UNC5D: variants seen among roughly 807,000 people sequenced by gnomAD.
UNC5D encodes the protein netrin receptor UNC5D.
In UNC5D, 39 loss-of-function variants were observed where a neutral mutation model predicts 105.4. That is an observed-to-expected ratio of 0.37 (90% CI 0.29 to 0.48). The LOEUF is 0.48. Ranked by LOEUF, UNC5D falls within the 20% of genes least tolerant of loss-of-function variation. The probability of loss-of-function intolerance (pLI) is 0.98; values close to 1 mark genes in which losing one functional copy is unlikely to be tolerated. For synonymous variants in UNC5D, 452 were observed against 450.4 expected (o/e 1.00, Z -0.04); for missense variants, 991 against 1,202.4 (o/e 0.82, Z 2.60).
intron 1 of UNC5D, among the ~76,000 whole-genome samples, chr8:35,519,078 T>C (rs1488257034): frequency 6.6e-6 from 1 of 152,146 alleles, no homozygotes; most frequent in Non-Finnish European, 1.5e-5. Flanking sequence ...TCTAATCCCA[T>C]ACGATGATTT....
chr8:35,246,582 C>T (rs1248005938), intron 1 of UNC5D, among the ~76,000 whole-genome samples: 6 of 151,760 alleles, frequency 4.0e-5, no homozygotes, highest in African/African-American at 1.5e-4. Context: ...TGACTTCTTT[C>T]TTTTTTTTAG....
intron 8 of UNC5D, among the ~76,000 whole-genome samples, chr8:35,721,969 T>C (rs1828606857): frequency 1.3e-5 from 2 of 152,236 alleles, no homozygotes; most frequent in Admixed American, 6.5e-5. Flanking sequence ...CAAGAGTCTA[T>C]TACATGCTAA....
At chr8:35,388,549 A>G (rs1414632486) in intron 1 of UNC5D, among the ~76,000 whole-genome samples, 1 of 152,190 alleles carries the variant, frequency 6.6e-6, no homozygotes, top group Non-Finnish European at 1.5e-5. Context: ...CCATTTTGCA[A>G]CAGTAATCCA....
chr8:35,540,290 T>A (rs1212143144), intron 1 of UNC5D, among the ~76,000 whole-genome samples: 2 of 152,208 alleles, frequency 1.3e-5, no homozygotes, highest in Admixed American at 6.5e-5. Context: ...ATAAATCTTA[T>A]AATCTTATTC....
intron 1 of UNC5D, among the ~76,000 whole-genome samples, chr8:35,467,587 A>AG (rs201437791): frequency 0.016 from 1,961 of 122,012 alleles, 48 homozygotes; most frequent in East Asian, 0.099. Context: ...AAAAAAAAAA[A>AG]AAAAGAAGAA....
rs572766299 is a variant in UNC5D, at chr8:35,287,563, G to A, written c.103+51676G>A. Among the ~76,000 whole-genome samples the A allele has an allele frequency of 7.2e-3, 346 of 48,250 alleles. 3 individuals are homozygous for A. The highest frequency in any genetic ancestry group is 0.026 in the Admixed American group (84 of 3,268). 31.7% of individuals were successfully genotyped at this position (48,250 alleles called of 152,430 possible). ...AAATCCCAGTACTTTGGGGGGCTGA[G>A]GCGGCTAATCATTTGAGTCCAGGAG... On this transcript the variant is annotated intron_variant, in intron 1 of 16. Transcript: ENST00000404895.
intron 1 of UNC5D, among the ~76,000 whole-genome samples, chr8:35,374,412 A>C (rs1802580677): frequency 6.6e-6 from 1 of 152,180 alleles, no homozygotes; most frequent in Admixed American, 6.5e-5. Flanking sequence ...TTACTATGAA[A>C]GCAGTCTCCT....
At chr8:35,590,242 A>AT (rs933984370) in intron 3 of UNC5D, among the ~76,000 whole-genome samples, 8 of 152,166 alleles carry the variant, frequency 5.3e-5, no homozygotes, top group African/African-American at 1.9e-4. Flanking sequence ...AATGTTTTAG[A>AT]TAAAAAAAAA....
chr8:35,376,399 AGTCCCAT>A (rs1360419920), intron 1 of UNC5D, among the ~76,000 whole-genome samples: 2 of 152,176 alleles, frequency 1.3e-5, no homozygotes, highest in Non-Finnish European at 2.9e-5. Flanking sequence ...GTTTCTGAAA[AGTCCCAT>A]GTGGTGAGAC....
chr8:35,787,235 G>T (rs1426625072), intron 16 of UNC5D, among the ~76,000 whole-genome samples: 1 of 152,170 alleles, frequency 6.6e-6, no homozygotes, highest in East Asian at 1.9e-4. Flanking sequence ...TAGGGCAAAA[G>T]TTCATCGTTG....
At chr8:35,676,203 A>ATTTG (rs1244852506) in intron 4 of UNC5D, among the ~76,000 whole-genome samples, 1 of 152,146 alleles carries the variant, frequency 6.6e-6, no homozygotes, top group African/African-American at 2.4e-5. Context: ...GCTTTTCCAG[A>ATTTG]TTTGTTTATA....
intron 7 of UNC5D, among the ~76,000 whole-genome samples, chr8:35,701,335 C>T (rs778027890): frequency 6.6e-5 from 10 of 152,182 alleles, no homozygotes; most frequent in African/African-American, 1.2e-4. Flanking sequence ...CCTCTGTCTG[C>T]AGCCCTCACT....
At chr8:35,785,796 A>G (rs973130016) in intron 16 of UNC5D, among the ~76,000 whole-genome samples, 2 of 152,192 alleles carry the variant, frequency 1.3e-5, no homozygotes, top group Admixed American at 1.3e-4. Flanking sequence ...GTCTTGCAAG[A>G]TCGGGTGTCT....
At chr8:35,767,831 G>A (rs1416852600) in intron 15 of UNC5D, among the ~76,000 whole-genome samples, 1 of 152,006 alleles carries the variant, frequency 6.6e-6, no homozygotes, top group Non-Finnish European at 1.5e-5. Flanking sequence ...ACCACCAAGT[G>A]ACTTTATGGC....
intron 3 of UNC5D, among the ~76,000 whole-genome samples, chr8:35,580,391 G>A (rs1818401765): frequency 6.6e-6 from 1 of 151,882 alleles, no homozygotes; most frequent in Non-Finnish European, 1.5e-5. Context: ...ATTTTTTTCT[G>A]TACTACACAA....
At chr8:35,713,650 A>C (rs1332059762) in intron 8 of UNC5D, among the ~76,000 whole-genome samples, 1 of 152,206 alleles carries the variant, frequency 6.6e-6, no homozygotes, top group Non-Finnish European at 1.5e-5. Context: ...TACTAAAAGG[A>C]GCTGTAAACA....
chr8:35,425,572 A>G (rs1021318701), intron 1 of UNC5D, among the ~76,000 whole-genome samples: 3 of 152,158 alleles, frequency 2.0e-5, no homozygotes, highest in African/African-American at 7.2e-5. Context: ...AGAAATGTGA[A>G]CAAAGCTGTA....
At chr8:35,332,161 C>T (rs1247200962) in intron 1 of UNC5D, among the ~76,000 whole-genome samples, 1 of 152,164 alleles carries the variant, frequency 6.6e-6, no homozygotes. Context: ...CATAAACATG[C>T]TAAAATCAGG....
At chr8:35,365,393 C>T (rs1247854721) in intron 1 of UNC5D, among the ~76,000 whole-genome samples, 1 of 151,856 alleles carries the variant, frequency 6.6e-6, no homozygotes, top group Non-Finnish European at 1.5e-5. Flanking sequence ...ATGAAGATCT[C>T]TGTGAACTAA....
Sources: allele counts gnomAD v4.1 joint callset (sites outside exome capture counted in the v4.1 genomes callset), GRCh38; gene constraint gnomAD v4.1.1; transcripts MANE v1.5; gene names NCBI Gene and HGNC (gene_info 2026-07-23, HGNC 2026-07-21).